The following PTN variants were observed in gnomAD, a reference collection of about 807,000 sequenced individuals.
The protein encoded by PTN is heparin affin regulatory protein.
A neutral mutation model predicts 24.1 loss-of-function variants in PTN; 18 were observed. The ratio of observed to expected loss-of-function variants is 0.75; its 90% CI spans 0.52 to 1.11. The LOEUF is 1.11. PTN is among the 50% of genes least tolerant of loss of function. The pLI is 0.00. For synonymous variants in PTN, 78 were observed against 68.6 expected (o/e 1.14, Z -0.67); for missense variants, 163 against 198.8 (o/e 0.82, Z 1.08).
At chr7:137,266,248 T>C (rs1051147112) in intron 1 of PTN, among the ~76,000 whole-genome samples, 3 of 152,182 alleles carry the variant, frequency 2.0e-5, no homozygotes, top group Admixed American at 6.5e-5. Flanking sequence ...GAATTTTCTT[T>C]ACAATTAACG....
intron 1 of PTN, among the ~76,000 whole-genome samples, chr7:137,306,086 A>C (rs1026530216): frequency 5.9e-5 from 9 of 152,132 alleles, no homozygotes; most frequent in African/African-American, 2.2e-4. Flanking sequence ...GGCCACTGCC[A>C]GATTCTCATT....
chr7:137,232,491 C>T (rs1460245469), intron 4 of PTN, among the ~76,000 whole-genome samples: 2 of 151,884 alleles, frequency 1.3e-5, no homozygotes, highest in African/African-American at 2.4e-5. Flanking sequence ...TTTTAAGATA[C>T]GTTTGAAAGT....
chr7:137,337,882 G>A (rs1348008727), intron 1 of PTN, among the ~76,000 whole-genome samples: 1 of 152,196 alleles, frequency 6.6e-6, no homozygotes, highest in East Asian at 1.9e-4. Context: ...TGGGCAAAGA[G>A]AATGAATGGC....
At chr7:137,316,117 C>T (rs1244722973) in intron 1 of PTN, among the ~76,000 whole-genome samples, 1 of 152,178 alleles carries the variant, frequency 6.6e-6, no homozygotes, top group Admixed American at 6.5e-5. Context: ...TGAATATAGT[C>T]AGTAAACCTC....
At chr7:137,274,534 C>T (rs1217446415) in intron 1 of PTN, among the ~76,000 whole-genome samples, 1 of 151,950 alleles carries the variant, frequency 6.6e-6, no homozygotes, top group Non-Finnish European at 1.5e-5. Context: ...CCCGACAGGC[C>T]CTGGTGTGTG....
rs58934357 is a variant in PTN, at chr7:137,339,568, CAAAAAAA to C, written c.-2+3864_-2+3870del. ...CTGACCCTTAGGCAGGGTCTTGAAT[CAAAAAAA>C]AAAAAAAAAATGGGGGAAAAATGCC... On this transcript the variant is annotated intron_variant, in intron 1 of 4. Coordinates refer to ENST00000348225, the MANE Select transcript of PTN (RefSeq NM_002825.7). 5.7e-5 allele frequency among the ~76,000 whole-genome samples: 7 copies of C among 123,818 alleles called. 1 individual carries two copies. Among genetic ancestry groups the C allele is most frequent in the African/African-American group, 2.2e-4 (7 of 31,254 alleles). 81.2% of individuals were successfully genotyped at this position (123,818 alleles called of 152,430 possible). A position where few individuals can be genotyped will look rare whatever the true frequency, so the allele number is the denominator to read the frequency against.
chr7:137,287,848 C>T (rs974716777), intron 1 of PTN: 3 of 152,084 alleles, frequency 2.0e-5, no homozygotes, highest in East Asian at 1.9e-4. Context: ...CCAGGGGGGG[C>T]GCTATTAGAT....
intron 1 of PTN, among the ~76,000 whole-genome samples, chr7:137,260,999 C>G (rs772392050): frequency 2.6e-5 from 4 of 151,836 alleles, no homozygotes; most frequent in Non-Finnish European, 5.9e-5. Flanking sequence ...AGGATAAATG[C>G]TTGATTCTTT....
intron 4 of PTN, among the ~76,000 whole-genome samples, chr7:137,232,359 T>C (rs1311380002): frequency 2.0e-5 from 3 of 151,950 alleles, no homozygotes; most frequent in Non-Finnish European, 1.5e-5. Flanking sequence ...TCATCCTTTC[T>C]TTGGCCAGTT....
chr7:137,243,443 T>C (rs1808667735), intron 4 of PTN, among the ~76,000 whole-genome samples: 1 of 152,200 alleles, frequency 6.6e-6, no homozygotes, highest in Admixed American at 6.5e-5. Context: ...GTAGCATCAA[T>C]GCATCATCTA....
At chr7:137,260,703 A>T (rs189796138) in intron 1 of PTN, among the ~76,000 whole-genome samples, 7 of 152,236 alleles carry the variant, frequency 4.6e-5, no homozygotes, top group Non-Finnish European at 8.8e-5. Context: ...CTTCAGCTGC[A>T]AATTGGCAGT....
At chr7:137,304,947 T>G (rs1319618784) in intron 1 of PTN, among the ~76,000 whole-genome samples, 2 of 152,066 alleles carry the variant, frequency 1.3e-5, no homozygotes, top group African/African-American at 4.8e-5. Context: ...GAGAAAGTTA[T>G]AGCGGCCGTA....
At position 137,316,605 on chromosome 7, in the gene PTN, A is replaced by G. The variant is rs536548052; in HGVS notation, c.-2+26834T>C. On this transcript the variant is annotated intron_variant, in intron 1 of 4. Coordinates refer to ENST00000348225, the MANE Select transcript of PTN (RefSeq NM_002825.7). ...AGGGGGCAGATTTTGAAAATGACCC[A>G]TGCCAGATAGCAGAGGATCGAGCCG... Among the ~76,000 whole-genome samples, 133 of 152,294 alleles carry G rather than the reference A, an allele frequency of 8.7e-4. 1 individual carries two copies. Among genetic ancestry groups the G allele is most frequent in the Non-Finnish European group, 6.0e-4 (41 of 68,014 alleles).
chr7:137,246,946 A>G (rs1168696146), intron 4 of PTN, among the ~76,000 whole-genome samples: 3 of 152,208 alleles, frequency 2.0e-5, no homozygotes, highest in Non-Finnish European at 2.9e-5. Flanking sequence ...AAAGTAGGAT[A>G]AATAAAATGT....
At chr7:137,330,145 G>A (rs1021609298) in intron 1 of PTN, among the ~76,000 whole-genome samples, 6 of 152,066 alleles carry the variant, frequency 3.9e-5, no homozygotes, top group African/African-American at 1.4e-4. Flanking sequence ...AAATTAGCTA[G>A]GTGTGGTAAC....
intron 1 of PTN, among the ~76,000 whole-genome samples, chr7:137,316,365 C>A (rs867893939): frequency 2.4e-4 from 37 of 152,208 alleles, no homozygotes; most frequent in African/African-American, 8.4e-4. Flanking sequence ...ATTTTCTACC[C>A]CGAGAATTTT....
chr7:137,306,966 G>T (rs1043280943), intron 1 of PTN, among the ~76,000 whole-genome samples: 2 of 151,910 alleles, frequency 1.3e-5, no homozygotes, highest in Non-Finnish European at 2.9e-5. Context: ...CCAGTGCCTC[G>T]CATTCCTCAT....
At chr7:137,271,326 G>A (rs1433548485) in intron 1 of PTN, among the ~76,000 whole-genome samples, 3 of 152,054 alleles carry the variant, frequency 2.0e-5, no homozygotes, top group South Asian at 2.1e-4. Flanking sequence ...CATGTGTTCT[G>A]ACTTGGTAAT....
At chr7:137,232,141 C>T (rs1275321295) in intron 4 of PTN, among the ~76,000 whole-genome samples, 2 of 151,890 alleles carry the variant, frequency 1.3e-5, no homozygotes, top group Admixed American at 1.3e-4. Context: ...CATCAAATAA[C>T]ACCCCGGGCC....
Sources: gnomAD v4.1 joint callset for allele counts (sites outside exome capture counted in the v4.1 genomes callset) on GRCh38, gnomAD v4.1.1 for gene constraint, MANE v1.5 for transcripts, NCBI Gene and HGNC (gene_info 2026-07-23, HGNC 2026-07-21) for gene names.